Variants in ACOT11 observed in about 807,000 individuals in gnomAD.
ACOT11 encodes the protein acyl-CoA thioesterase 11.
ACOT11 carries 69 observed loss-of-function variants against 77.5 expected under a neutral mutation model. That is an observed-to-expected ratio of 0.89 (90% CI 0.73 to 1.09). The LOEUF (loss-of-function observed/expected upper bound fraction) is 1.09, where lower values mean the gene tolerates loss of function less well. ACOT11 is among the 50% of genes least tolerant of loss of function. The pLI is 0.00. For missense variants in ACOT11, 766 were observed against 813.7 expected (o/e 0.94, Z 0.71); for synonymous variants, 279 against 313.0 (o/e 0.89, Z 1.15).
At chr1:54,556,622 C>G (rs1184410847) in intron 1 of ACOT11, among the ~76,000 whole-genome samples, 3 of 151,594 alleles carry the variant, frequency 2.0e-5, no homozygotes, top group Non-Finnish European at 4.4e-5. Flanking sequence ...CACTGTGTAG[C>G]CCAGGCTGGA....
At chr1:54,626,536 A>G (rs1644274052) in intron 15 of ACOT11, among the ~76,000 whole-genome samples, 1 of 152,196 alleles carries the variant, frequency 6.6e-6, no homozygotes, top group South Asian at 2.1e-4. Context: ...TTGCAGGCAA[A>G]GAAATCAAGG....
At chr1:54,583,394 C>T (rs1378031221) in intron 1 of ACOT11, among the ~76,000 whole-genome samples, 2 of 152,274 alleles carry the variant, frequency 1.3e-5, no homozygotes, top group East Asian at 3.9e-4. Flanking sequence ...GGGAGGCTCA[C>T]TGGGGGGAAT....
intron 15 of ACOT11, among the ~76,000 whole-genome samples, chr1:54,621,113 A>G (rs1341360364): frequency 6.6e-6 from 1 of 151,296 alleles, no homozygotes; most frequent in Non-Finnish European, 1.5e-5. Flanking sequence ...TGAGCCGGAG[A>G]TCATGCCACT....
intron 4 of ACOT11, among the ~76,000 whole-genome samples, chr1:54,593,307 T>G (rs1654777233): frequency 6.6e-6 from 1 of 152,084 alleles, no homozygotes. Context: ...GATGAGGTCT[T>G]ACTCTGTCAC....
chr1:54,601,127 ATG>A (rs945505731), intron 8 of ACOT11, 140 bp from the exon 9 acceptor site: 5 of 772,074 alleles, frequency 6.5e-6, no homozygotes, highest in African/African-American at 2.1e-5. Flanking sequence ...ATGTGTGTGT[ATG>A]TGTGTGCATA....
chr1:54,563,940 C>T (rs1038775044), intron 1 of ACOT11, among the ~76,000 whole-genome samples: 1 of 152,172 alleles, frequency 6.6e-6, no homozygotes, highest in Non-Finnish European at 1.5e-5. Context: ...GAGGCTTGTG[C>T]CTGTAATCCC....
In ACOT11 at chr1:54,637,134, C is replaced by A. The variant is rs760012673; in HGVS notation, c.*2405C>A. ...TGTGGGTAAATCTCTGTTGGGGGCT[C>A]TCAGCTCTGAAGGCTGTGAGACCCC... On this transcript the variant is annotated 3_prime_UTR_variant, in exon 17 of 17. Coordinates refer to the ACOT11 transcript ENST00000371316. The A allele has an allele frequency of 2.0e-5, 3 of 152,264 alleles. No homozygotes were observed. The East Asian group carries it at 5.8e-4, about 29-fold the overall frequency. 9.4% of individuals were successfully genotyped at this position (152,264 alleles called of 1,614,324 possible).
chr1:54,623,572 T>G, intron 15 of ACOT11: 1 of 563,914 alleles, frequency 1.8e-6, no homozygotes. Context: ...AAGCCCCTCC[T>G]CCCTCCCCGC....
chr1:54,573,379 A>G, intron 1 of ACOT11: 5 of 284,872 alleles, frequency 1.8e-5, no homozygotes, highest in Non-Finnish European at 2.6e-5. Flanking sequence ...GTAAAATGGG[A>G]ATAATAACAA....
intron 1 of ACOT11, among the ~76,000 whole-genome samples, chr1:54,574,248 C>G (rs1405855175): frequency 2.0e-5 from 3 of 152,162 alleles, no homozygotes; most frequent in Non-Finnish European, 4.4e-5. Context: ...GGAGCTGAAC[C>G]CCGGCCCACC....
chr1:54,636,897 A>C, exon 17 of ACOT11: 1 of 158,940 alleles, frequency 6.3e-6, no homozygotes, highest in Non-Finnish European at 1.4e-5. Context: ...TTAACAAAGC[A>C]CATCTTGCAC....
intron 1 of ACOT11, among the ~76,000 whole-genome samples, chr1:54,561,824 GC>G (rs1653506114): frequency 8.6e-6 from 1 of 116,534 alleles, no homozygotes; most frequent in African/African-American, 3.5e-5. Context: ...GGCTGGCCGG[GC>G]AGAGGGGCTC....
At chr1:54,569,359 A>G (rs902597213) in intron 1 of ACOT11, among the ~76,000 whole-genome samples, 3 of 152,068 alleles carry the variant, frequency 2.0e-5, no homozygotes, top group Non-Finnish European at 4.4e-5. Flanking sequence ...ACACTTTACT[A>G]GGCCTCTTTC....
chr1:54,563,115 G>A (rs1040648954), intron 1 of ACOT11, among the ~76,000 whole-genome samples: 1 of 152,090 alleles, frequency 6.6e-6, no homozygotes, highest in African/African-American at 2.4e-5. Context: ...GCTGCCTCCC[G>A]GGCGGCGCTC....
intron 15 of ACOT11, among the ~76,000 whole-genome samples, chr1:54,624,094 A>C (rs1644256876): frequency 6.6e-6 from 1 of 152,158 alleles, no homozygotes; most frequent in Non-Finnish European, 1.5e-5. Context: ...CTGAGTCACC[A>C]CTTCATGCAG....
At chr1:54,598,498 T>C (rs915006366) in intron 7 of ACOT11, 1 of 152,200 alleles carries the variant, frequency 6.6e-6, no homozygotes, top group African/African-American at 2.4e-5. Context: ...TGGGTGGCAG[T>C]GGGTGGGTCA....
chr1:54,549,324 C>T (rs1317574740), intron 1 of ACOT11, among the ~76,000 whole-genome samples: 1 of 152,170 alleles, frequency 6.6e-6, no homozygotes, highest in Non-Finnish European at 1.5e-5. Flanking sequence ...GGCACTCTGG[C>T]TCCTGCCCAT....
At chr1:54,616,104 G>A in intron 15 of ACOT11, 1 of 1,614,138 alleles carries the variant, frequency 6.2e-7, no homozygotes, top group Non-Finnish European at 8.5e-7. Context: ...GCCATGATGG[G>A]AACTCCTGTC....
chr1:54,548,681 T>G (rs1157490461), intron 1 of ACOT11: 5 of 371,236 alleles, frequency 1.3e-5, no homozygotes, highest in Admixed American at 1.3e-4. Flanking sequence ...CTGAGCTCCA[T>G]GGCCTTGTGG....
Sources: allele counts gnomAD v4.1 joint callset (sites outside exome capture counted in the v4.1 genomes callset), GRCh38; gene constraint gnomAD v4.1.1; transcripts MANE v1.5; gene names NCBI Gene and HGNC (gene_info 2026-07-23, HGNC 2026-07-21).